Variants in TMEM232 observed in about 807,000 individuals in gnomAD.
The protein encoded by TMEM232 is transmembrane protein 232.
A neutral mutation model predicts 78.8 loss-of-function variants in TMEM232; 80 were observed. The ratio of observed to expected loss-of-function variants is 1.01; its 90% CI spans 0.85 to 1.22. TMEM232 has a LOEUF of 1.22. Ranked by LOEUF, TMEM232 falls within the 50% of genes most tolerant of loss-of-function variation. The pLI is 0.00. For synonymous variants in TMEM232, 297 were observed against 254.3 expected (o/e 1.17, Z -1.60); for missense variants, 881 against 742.2 (o/e 1.19, Z -2.17).
chr5:110,717,438 T>C (rs1167494191), intron 1 of TMEM232, among the ~76,000 whole-genome samples: 1 of 152,108 alleles, frequency 6.6e-6, no homozygotes, highest in Non-Finnish European at 1.5e-5. Flanking sequence ...ATCAAAGTAT[T>C]AACTCATTAC....
At chr5:110,698,088 C>A (rs1421001415) in intron 1 of TMEM232, among the ~76,000 whole-genome samples, 8 of 152,098 alleles carry the variant, frequency 5.3e-5, no homozygotes, top group Admixed American at 5.2e-4. Flanking sequence ...ACATATATAC[C>A]ATGGAATACT....
At chr5:110,511,923 C>T (rs1315872960) in intron 12 of TMEM232, among the ~76,000 whole-genome samples, 1 of 152,140 alleles carries the variant, frequency 6.6e-6, no homozygotes, top group African/African-American at 2.4e-5. Flanking sequence ...TCCTTAAATG[C>T]TCCATGGTCC....
chr5:110,679,880 T>C (rs773588337), intron 1 of TMEM232, among the ~76,000 whole-genome samples: 15 of 152,222 alleles, frequency 9.9e-5, no homozygotes, highest in Non-Finnish European at 2.1e-4. Flanking sequence ...GCTGTCTTTT[T>C]ATTTTTCATT....
intron 1 of TMEM232, among the ~76,000 whole-genome samples, chr5:110,712,627 T>G (rs1561554785): frequency 6.6e-6 from 1 of 152,184 alleles, no homozygotes; most frequent in Non-Finnish European, 1.5e-5. Flanking sequence ...GAACGTCCCC[T>G]TTGTTTCACT....
intron 12 of TMEM232, among the ~76,000 whole-genome samples, chr5:110,471,309 A>G (rs1165868706): frequency 6.6e-6 from 1 of 152,176 alleles, no homozygotes; most frequent in Non-Finnish European, 1.5e-5. Flanking sequence ...CAGAAGGAAA[A>G]GAGAGAAAGA....
chr5:110,689,438 T>A (rs970999321), intron 1 of TMEM232, among the ~76,000 whole-genome samples: 1 of 152,158 alleles, frequency 6.6e-6, no homozygotes, highest in African/African-American at 2.4e-5. Flanking sequence ...TAATCTGTAA[T>A]CAACACAAAA....
intron 1 of TMEM232, among the ~76,000 whole-genome samples, chr5:110,693,085 G>C (rs776322539): frequency 3.3e-5 from 5 of 152,108 alleles, no homozygotes; most frequent in African/African-American, 2.4e-5. Context: ...TCACATGGCC[G>C]GGTACTCCTC....
intron 3 of TMEM232, among the ~76,000 whole-genome samples, chr5:110,394,292 T>C (rs896239023): frequency 5.9e-5 from 9 of 152,206 alleles, no homozygotes; most frequent in Admixed American, 5.9e-4. Context: ...TCTCATTCTT[T>C]TTATGTCTAC....
At chr5:110,406,263 T>TACAC (rs770672662) in intron 2 of TMEM232, among the ~76,000 whole-genome samples, 723 of 51,640 alleles carry the variant, frequency 0.014, 5 homozygotes, top group South Asian at 0.025. Context: ...CACAGATATA[T>TACAC]ATACACACAC....
chr5:110,605,853 T>C (rs930782281), intron 9 of TMEM232, among the ~76,000 whole-genome samples: 1 of 152,066 alleles, frequency 6.6e-6, no homozygotes, highest in African/African-American at 2.4e-5. Context: ...ATTTTATGTA[T>C]GAGAATAACA....
downstream of TMEM232, among the ~76,000 whole-genome samples, chr5:110,416,301 G>C (rs960506902): frequency 6.6e-6 from 1 of 152,180 alleles, no homozygotes; most frequent in African/African-American, 2.4e-5. Flanking sequence ...CAGAGGCATT[G>C]GCACAACAGT....
intron 4 of TMEM232, 123 bp from the exon 5 acceptor site, chr5:110,638,478 T>G (rs539573149): frequency 1.0e-6 from 1 of 972,474 alleles, no homozygotes; most frequent in Admixed American, 2.9e-5. Context: ...AAAATATATT[T>G]ACAAATTCTC....
chr5:110,726,574 G>A (rs1271388477), intron 1 of TMEM232, 53 bp downstream of exon 1: 1 of 152,240 alleles, frequency 6.6e-6, no homozygotes, highest in Non-Finnish European at 1.5e-5. Context: ...TGGTGAATAT[G>A]ACAATAACCT....
intron 2 of TMEM232, among the ~76,000 whole-genome samples, chr5:110,651,206 T>C (rs1367954953): frequency 6.6e-6 from 1 of 152,048 alleles, no homozygotes; most frequent in African/African-American, 2.4e-5. Flanking sequence ...ATACATCCAA[T>C]AAACAAGAAC....
At chr5:110,426,830 A>G (rs960381936) in intron 12 of TMEM232, among the ~76,000 whole-genome samples, 1 of 152,030 alleles carries the variant, frequency 6.6e-6, no homozygotes, top group Non-Finnish European at 1.5e-5. Flanking sequence ...CAGTTTTGGT[A>G]TTCAAAGAAT....
intron 11 of TMEM232, among the ~76,000 whole-genome samples, chr5:110,554,626 T>C (rs6594460): frequency 0.026 from 3,971 of 152,208 alleles, 169 homozygotes; most frequent in African/African-American, 0.09. Context: ...TTTTCCTGTT[T>C]GTTTTTGCCA....
chr5:110,492,320 A>G (rs115138621), intron 12 of TMEM232, among the ~76,000 whole-genome samples: 2,938 of 152,106 alleles, frequency 0.019, 88 homozygotes, highest in African/African-American at 0.068. Context: ...GTAACAAAAC[A>G]TAAGTAAACT....
intron 12 of TMEM232, among the ~76,000 whole-genome samples, chr5:110,462,278 G>A (rs1257560640): frequency 3.9e-5 from 6 of 152,174 alleles, no homozygotes; most frequent in Non-Finnish European, 8.8e-5. Flanking sequence ...AGACTACTGT[G>A]ATGGTTAATA....
chr5:110,728,778 A>G (rs1395927283), upstream of TMEM232, among the ~76,000 whole-genome samples: 1 of 150,728 alleles, frequency 6.6e-6, no homozygotes, highest in Admixed American at 6.6e-5. Flanking sequence ...TGTCAAAACC[A>G]TCCTAACCCC....
Sources: gnomAD v4.1 joint callset for allele counts (sites outside exome capture counted in the v4.1 genomes callset) on GRCh38, gnomAD v4.1.1 for gene constraint, MANE v1.5 for transcripts, NCBI Gene and HGNC (gene_info 2026-07-23, HGNC 2026-07-21) for gene names.